The following KCNU1 variants were observed in gnomAD, a reference collection of about 807,000 sequenced individuals.
KCNU1 encodes potassium channel subfamily U member 1.
KCNU1 carries 93 observed loss-of-function variants against 126.8 expected under a neutral mutation model. The observed-to-expected ratio is 0.73, with a 90% CI of 0.62 to 0.87. The LOEUF is 0.87. KCNU1 is among the 40% of genes least tolerant of loss of function. The pLI is 0.00. For synonymous variants in KCNU1, 523 were observed against 494.2 expected (o/e 1.06, Z -0.77); for missense variants, 1,330 against 1,367.1 (o/e 0.97, Z 0.43).
At chr8:36,850,510 G>T (rs1428852025) in intron 18 of KCNU1, among the ~76,000 whole-genome samples, 1 of 150,114 alleles carries the variant, frequency 6.7e-6, no homozygotes, top group East Asian at 2.0e-4. Flanking sequence ...AGGCTGCAGT[G>T]CAGTGGTACA....
chr8:36,889,955 G>A (rs1018791185), intron 19 of KCNU1, among the ~76,000 whole-genome samples: 4 of 152,090 alleles, frequency 2.6e-5, no homozygotes, highest in African/African-American at 9.7e-5. Flanking sequence ...AGAACAGAGT[G>A]AAGTGAATTA....
intron 19 of KCNU1, among the ~76,000 whole-genome samples, chr8:36,901,948 A>G (rs1454488628): frequency 6.6e-6 from 1 of 152,078 alleles, no homozygotes; most frequent in Non-Finnish European, 1.5e-5. Flanking sequence ...TTTATGTTCT[A>G]TTCTTTGCTT....
chr8:36,932,438 G>A (rs1340321741), intron 25 of KCNU1, among the ~76,000 whole-genome samples: 1 of 151,976 alleles, frequency 6.6e-6, no homozygotes, highest in Non-Finnish European at 1.5e-5. Flanking sequence ...CTGCTGCAGG[G>A]GCTTGAAATT....
In KCNU1 at chr8:36,807,369, T is replaced by TTGTAGG; in HGVS notation, c.581-4_582dup. Reference sequence around the variant, plus strand: ...TGGCAGCTTTCTCCTTTCCATTGGTTTGTAGGTTTAAGGTTCCTAAGAGCC... The same window carrying TTGTAGG: ...TGGCAGCTTTCTCCTTTCCATTGGTTTGTAGGTGTAGGTTTAAGGTTCCTAAGAGCC... On this transcript the variant is annotated splice_polypyrimidine_tract_variant and splice_region_variant and intron_variant, in intron 5 of 26. Transcript: ENST00000399881. 1 of 1,611,958 alleles carries TTGTAGG rather than the reference T, an allele frequency of 6.2e-7. No individual in the cohort carries two copies. Among genetic ancestry groups the TTGTAGG allele is most frequent in the Non-Finnish European group, 8.5e-7 (1 of 1,178,160 alleles).
chr8:36,806,357 A>T lies in KCNU1; in HGVS notation c.557A>T (p.Tyr186Phe). Residue 186 changes from tyrosine (Y) to phenylalanine (F), a missense_variant, in exon 5 of 27, where the codon TAT becomes TTT. Tyr to Phe is a conservative substitution (Grantham distance 22). Around this residue, in one of 3 missense-constraint regions of KCNU1, gnomAD observed 247 missense variants for 255.4 expected, o/e 0.97. Coordinates refer to ENST00000399881, the MANE Select transcript of KCNU1 (RefSeq NM_001031836.3). ...IFTIPPTFIS[Y>F]YLKSNWLGLR... ...ACCATCCCACCAACCTTTATTTCTT[A>T]TTATTTGAAGAGCAATTGGCTAGGT... 1 of 1,605,084 alleles carries T rather than the reference A, an allele frequency of 6.2e-7. No individual in the cohort carries two copies. Among genetic ancestry groups the T allele is most frequent in the Non-Finnish European group, 8.5e-7 (1 of 1,174,348 alleles).
At chr8:36,838,168 T>C (rs985365261) in intron 14 of KCNU1, among the ~76,000 whole-genome samples, 2 of 152,226 alleles carry the variant, frequency 1.3e-5, no homozygotes, top group African/African-American at 4.8e-5. Flanking sequence ...CATGTAGTGG[T>C]CACTGTATGC....
At chr8:36,809,420 CT>C (rs1324857486) in intron 7 of KCNU1, among the ~76,000 whole-genome samples, 3 of 152,170 alleles carry the variant, frequency 2.0e-5, no homozygotes, top group African/African-American at 7.2e-5. Context: ...CCGCAAAAGC[CT>C]TTGAGATAAA....
chr8:36,803,901 T>C (rs1443637799), intron 2 of KCNU1, 126 bp from the exon 3 acceptor site: 1 of 705,648 alleles, frequency 1.4e-6, no homozygotes, highest in Admixed American at 2.2e-5. Context: ...AATACTAACA[T>C]AAGTGAATAT....
intron 2 of KCNU1, among the ~76,000 whole-genome samples, chr8:36,800,328 T>C (rs1585387400): frequency 6.6e-6 from 1 of 152,314 alleles, no homozygotes; most frequent in African/African-American, 2.4e-5. Context: ...ACAGGTTTTT[T>C]TAGATCCCAT....
At position 36,882,687 on chromosome 8, in the gene KCNU1, G is replaced by A. The variant is rs191158241; in HGVS notation, c.2009+18166G>A. ...CAACCTCCTCCTCCCAGGTTCAAGC[G>A]ATTCTCCTGCCTTAGCCTCCTGAGT... On this transcript the variant is annotated intron_variant, in intron 19 of 26. Transcript: ENST00000399881. 1.1e-3 allele frequency among the ~76,000 whole-genome samples: 174 copies of A among 152,060 alleles called. 1 individual carries two copies. Among genetic ancestry groups the A allele is most frequent in the South Asian group, 4.1e-3 (20 of 4,822 alleles).
At chr8:36,806,122 A>G (rs146241429) in intron 4 of KCNU1, 147 bp from the exon 5 acceptor site, 39 of 510,052 alleles carry the variant, frequency 7.6e-5, no homozygotes, top group African/African-American at 7.4e-4. Context: ...CACATAGCAT[A>G]TAAATATATG....
At chr8:36,820,037 C>G (rs923483940) in intron 10 of KCNU1, among the ~76,000 whole-genome samples, 7 of 152,096 alleles carry the variant, frequency 4.6e-5, no homozygotes, top group Admixed American at 3.3e-4. Flanking sequence ...GGAGAGAAGG[C>G]CCAGTCAGCT....
chr8:36,834,400 C>T (rs1378358206), intron 11 of KCNU1, among the ~76,000 whole-genome samples: 1 of 152,164 alleles, frequency 6.6e-6, no homozygotes, highest in East Asian at 1.9e-4. Flanking sequence ...AAGTAGACTC[C>T]CAGTTCCTCT....
At chr8:36,852,658 G>A (rs562887281) in intron 18 of KCNU1, among the ~76,000 whole-genome samples, 1 of 152,138 alleles carries the variant, frequency 6.6e-6, no homozygotes, top group South Asian at 2.1e-4. Flanking sequence ...CTAATCGTAT[G>A]AGTATACATC....
intron 7 of KCNU1, among the ~76,000 whole-genome samples, chr8:36,811,677 A>G (rs1803719216): frequency 6.6e-6 from 1 of 152,200 alleles, no homozygotes; most frequent in African/African-American, 2.4e-5. Flanking sequence ...CACGCTTTTA[A>G]TCTCAGCACT....
chr8:36,846,653 T>C (rs560921157), intron 18 of KCNU1, among the ~76,000 whole-genome samples: 61 of 152,078 alleles, frequency 4.0e-4, no homozygotes, highest in African/African-American at 1.4e-3. Flanking sequence ...AATACAAAAA[T>C]TAGCTGGGCG....
At chr8:36,847,718 T>C (rs559353569) in intron 18 of KCNU1, among the ~76,000 whole-genome samples, 6 of 152,248 alleles carry the variant, frequency 3.9e-5, no homozygotes, top group Non-Finnish European at 8.8e-5. Flanking sequence ...TATTTATCTT[T>C]TGATGGACAT....
At chr8:36,785,891 T>C (rs1390727265) in intron 1 of KCNU1, among the ~76,000 whole-genome samples, 1 of 152,222 alleles carries the variant, frequency 6.6e-6, no homozygotes, top group African/African-American at 2.4e-5. Flanking sequence ...GTAATTTATG[T>C]CTACACTTCG....
chr8:36,802,603 G>A (rs1342378123), intron 2 of KCNU1, among the ~76,000 whole-genome samples: 1 of 152,150 alleles, frequency 6.6e-6, no homozygotes. Context: ...CAGAAAATAG[G>A]AGGGTGAGAA....
Sources: gnomAD v4.1 joint callset for allele counts (sites outside exome capture counted in the v4.1 genomes callset) on GRCh38, gnomAD v4.1.1 for gene constraint, gnomAD v4.1.1 regional missense constraint, MANE v1.5 for transcripts, NCBI Gene and HGNC (gene_info 2026-07-23, HGNC 2026-07-21) for gene names.